Variants in AMZ1 observed in about 807,000 individuals in gnomAD.
AMZ1 encodes the protein archaelysin family metallopeptidase 1, also known as archaemetzincin-1.
AMZ1 carries 39 observed loss-of-function variants against 29.9 expected under a neutral mutation model. The ratio of observed to expected loss-of-function variants is 1.30; its 90% CI spans 1.01 to 1.70. The LOEUF is 1.70. Ranked by LOEUF, AMZ1 falls within the 40% of genes most tolerant of loss-of-function variation. The pLI is 0.00. For synonymous variants in AMZ1, 458 were observed against 304.0 expected, an observed-to-expected ratio of 1.51 and a Z score of -5.27; for missense variants, 1,041 against 680.6, an observed-to-expected ratio of 1.53 and a Z score of -5.89.
chr7:2,718,431 T>C lies in AMZ1; in HGVS notation c.*5553T>C, dbSNP rs963266044. Among the ~76,000 whole-genome samples, 1 of 152,212 alleles carries C rather than the reference T, an allele frequency of 6.6e-6. No homozygotes were observed. The highest frequency in any genetic ancestry group is 2.4e-5 in the African/African-American group (1 of 41,468). On this transcript the variant is annotated 3_prime_UTR_variant, in exon 7 of 7. Coordinates refer to ENST00000683327, the MANE Select transcript of AMZ1 (RefSeq NM_001384743.1). ...GGGCCCTCACCGCGCTTTGTGAGTC[T>C]GTCTCGTGGGCCTCCTTCAGTGGTC...
intron 4 of AMZ1, among the ~76,000 whole-genome samples, chr7:2,739,488 T>A (rs1453251130): frequency 2.0e-5 from 2 of 99,198 alleles, no homozygotes; most frequent in Non-Finnish European, 4.8e-5. Flanking sequence ...AATATATATA[T>A]ATGTATATTA....
chr7:2,712,719 G>C lies in AMZ1; in HGVS notation c.1338G>C (p.Gln446His). 6.2e-7 allele frequency: 1 copy of C among 1,609,492 alleles called. No homozygotes were observed. Among genetic ancestry groups the C allele is most frequent in the Non-Finnish European group, 8.5e-7 (1 of 1,177,886 alleles). Residue 446 changes from glutamine (Q) to histidine (H), a missense_variant, in exon 7 of 7, where the codon CAG (glutamine) becomes CAC (histidine). Transcript: ENST00000683327. ...ACCGCTGGGAGATGTTCACGGGCCA[G>C]CTCCCGGCCACCAGGCAGGACCCAC... ...ALDRWEMFTG[Q>H]LPATRQDPPS... is the part of the protein sequence containing the mutation.
upstream of AMZ1, among the ~76,000 whole-genome samples, chr7:2,763,747 A>G: frequency 6.6e-6 from 1 of 152,114 alleles, no homozygotes; most frequent in Admixed American, 6.6e-5. Flanking sequence ...CCTGCACAAA[A>G]TGCCTCCCCC....
rs1454207673 is a variant in AMZ1 at position 2,713,106 on chromosome 7, G to A, written c.*228G>A. On this transcript the variant is annotated 3_prime_UTR_variant, in exon 7 of 7. Transcript: ENST00000683327. ...AAAATTAAAAAATTAGCTGGATGAAGTGGTTCATGCCTGTGTTCCCAGCTA... is the reference window on the plus strand; with the variant it reads ...AAAATTAAAAAATTAGCTGGATGAAATGGTTCATGCCTGTGTTCCCAGCTA... 7.1e-6 allele frequency: 3 copies of A among 421,798 alleles called. No homozygotes were observed. The highest frequency in any genetic ancestry group is 4.1e-6 in the Non-Finnish European group (1 of 245,644). 26.1% of individuals were successfully genotyped at this position (421,798 alleles called of 1,614,324 possible).
At chr7:2,737,274 G>GTTTTGTTTTGTTTTT (rs1790242698) in intron 4 of AMZ1, among the ~76,000 whole-genome samples, 18 of 35,044 alleles carry the variant, frequency 5.1e-4, no homozygotes, top group African/African-American at 1.8e-3. Context: ...GTTTTGTTTT[G>GTTTTGTTTTGTTTTT]TTTTTTTTTT....
rs1013096917 is a variant in AMZ1, at chr7:2,715,300, A to C, written c.*2422A>C. ...TGTGGCCATTCATGAACAGTCAGTC[A>C]GCCCCACTCGGCGTTCACTGTGGGG... is the stretch of plus-strand genomic sequence containing the variant. On this transcript the variant is annotated 3_prime_UTR_variant, in exon 7 of 7. Transcript: ENST00000683327. 2 of 152,510 alleles carry C rather than the reference A, an allele frequency of 1.3e-5. No homozygotes were observed. Among genetic ancestry groups the C allele is most frequent in the Admixed American group, 6.5e-5 (1 of 15,308 alleles). 9.4% of individuals were successfully genotyped at this position (152,510 alleles called of 1,614,324 possible).
chr7:2,729,079 G>A (rs1789753552), intron 4 of AMZ1: 1 of 152,406 alleles, frequency 6.6e-6, no homozygotes, highest in Non-Finnish European at 1.5e-5. Flanking sequence ...GGACTACTCA[G>A]GAAGGTGTTT....
chr7:2,763,900 G>C (rs1011915916), upstream of AMZ1, among the ~76,000 whole-genome samples: 2 of 152,218 alleles, frequency 1.3e-5, no homozygotes, highest in Non-Finnish European at 2.9e-5. Context: ...GCTCAGCTGA[G>C]CTGTTGCTTT....
At chr7:2,689,081 G>T (rs573286673) in intron 1 of AMZ1, among the ~76,000 whole-genome samples, 17 of 152,360 alleles carry the variant, frequency 1.1e-4, no homozygotes, top group Admixed American at 3.9e-4. Context: ...CTAGCGAATG[G>T]AAACTGAGAG....
intron 3 of AMZ1, among the ~76,000 whole-genome samples, chr7:2,703,795 C>G (rs1261114436): frequency 6.6e-6 from 1 of 152,204 alleles, no homozygotes; most frequent in African/African-American, 2.4e-5. Context: ...CCATCTTACT[C>G]TCTTCTCTAT....
At chr7:2,683,573 G>A (rs888735176), upstream of AMZ1, among the ~76,000 whole-genome samples, 16 of 152,028 alleles carry the variant, frequency 1.1e-4, no homozygotes, top group Non-Finnish European at 4.4e-5. Context: ...GAGTAGCTGG[G>A]ACTACAGGTG....
At chr7:2,750,933 A>G (rs1431240543) in intron 4 of AMZ1, among the ~76,000 whole-genome samples, 1 of 152,222 alleles carries the variant, frequency 6.6e-6, no homozygotes, top group Non-Finnish European at 1.5e-5. Context: ...AGCGAGAGAT[A>G]TGCACACTCC....
chr7:2,755,852 A>T (rs1417140635), intron 4 of AMZ1, among the ~76,000 whole-genome samples: 2 of 152,242 alleles, frequency 1.3e-5, no homozygotes, highest in East Asian at 3.8e-4. Context: ...GAGTTATGTC[A>T]TATTCATGAA....
In AMZ1 at chr7:2,680,388, G is replaced by A. The variant is rs571044191; in HGVS notation, c.-219+717G>A. Among the ~76,000 whole-genome samples the A allele has an allele frequency of 2.1e-4, 32 of 152,232 alleles. No homozygotes were observed. The South Asian group carries it at 6.2e-3, about 30-fold the overall frequency. On this transcript the variant is annotated intron_variant, in intron 1 of 6. Transcript: ENST00000312371. ...TGTGCAGCCCACCCAGCAGGCACTG[G>A]AGACCCCGGGAGACCCCGGATCCTG...
upstream of AMZ1, among the ~76,000 whole-genome samples, chr7:2,761,731 G>A (rs994320977): frequency 6.6e-6 from 1 of 152,118 alleles, no homozygotes; most frequent in Non-Finnish European, 1.5e-5. Context: ...ACAATGAAGA[G>A]TTGACAAGAT....
upstream of AMZ1, chr7:2,762,631 C>T (rs1291112502): frequency 6.3e-7 from 1 of 1,578,224 alleles, no homozygotes; most frequent in African/African-American, 1.4e-5. Flanking sequence ...GACCCCAATG[C>T]CATGAAGCAC....
At chr7:2,749,688 C>G (rs1210129209) in intron 4 of AMZ1, among the ~76,000 whole-genome samples, 1 of 151,840 alleles carries the variant, frequency 6.6e-6, no homozygotes, top group Non-Finnish European at 1.5e-5. Context: ...AAAAGAAAAT[C>G]TTATCAGATA....
intron 4 of AMZ1, among the ~76,000 whole-genome samples, chr7:2,743,542 A>AT (rs1790610701): frequency 1.3e-5 from 2 of 152,324 alleles, no homozygotes; most frequent in South Asian, 4.1e-4. Flanking sequence ...ACAAAATCTT[A>AT]TCAGAGGTCA....
rs138692914 is a variant in AMZ1, at chr7:2,731,271, G to T, written n.550+21455G>T. 1 of 1,613,596 alleles carries T rather than the reference G, an allele frequency of 6.2e-7. No individual in the cohort carries two copies. Among genetic ancestry groups the T allele is most frequent in the Non-Finnish European group, 8.5e-7 (1 of 1,179,858 alleles). On this transcript the variant is annotated intron_variant and non_coding_transcript_variant, in intron 4 of 4. Coordinates refer to the AMZ1 transcript ENST00000489665. This position sits in a 1 kb window ranked among gnomAD's most constrained non-coding sequence, Gnocchi z 6.0. ...AGCGGACGTTCTCGGTGTCGATGGC[G>T]GTGGTGAAGTGGTGGAAGAGTGGCT...
Sources: allele counts gnomAD v4.1 joint callset (sites outside exome capture counted in the v4.1 genomes callset), GRCh38; gene constraint gnomAD v4.1.1; non-coding constraint Gnocchi (gnomAD v3.1); transcripts MANE v1.5; gene names NCBI Gene and HGNC (gene_info 2026-07-23, HGNC 2026-07-21).